SNRNP27: variants seen among roughly 807,000 people sequenced by gnomAD.
The protein encoded by SNRNP27 is U4/U6.U5 small nuclear ribonucleoprotein 27 kDa protein.
Under a neutral mutation model 25.1 loss-of-function variants are expected in SNRNP27, and 22 were observed. The observed-to-expected ratio is 0.88, with a 90% CI of 0.63 to 1.25. The LOEUF is 1.25. Ranked by LOEUF, SNRNP27 falls within the 50% of genes most tolerant of loss-of-function variation. The probability of loss-of-function intolerance (pLI) is 0.00; values close to 1 mark genes in which losing one functional copy is unlikely to be tolerated. For synonymous variants in SNRNP27, 66 were observed against 64.9 expected, an observed-to-expected ratio of 1.02 and a Z score of -0.08; for missense variants, 150 against 202.3, an observed-to-expected ratio of 0.74 and a Z score of 1.57.
intron 1 of SNRNP27, 67 bp from the exon 2 acceptor site, chr2:69,895,027 C>G: frequency 6.3e-7 from 1 of 1,586,138 alleles, no homozygotes; most frequent in East Asian, 2.2e-5. Flanking sequence ...TATTTTTCTA[C>G]TGGACGGCGC....
In SNRNP27 at chr2:69,904,387, C is replaced by T. The variant is rs772704468; in HGVS notation, c.*79C>T. Reference sequence around the variant, plus strand: ...GATTTTGTATTTTGTATTTAACTTGCATTCAAAAAACAGGATCTCAGTTCT... The same window carrying T: ...GATTTTGTATTTTGTATTTAACTTGTATTCAAAAAACAGGATCTCAGTTCT... On this transcript the variant is annotated 3_prime_UTR_variant, in exon 6 of 6. Transcript: ENST00000244227. 6 of 1,107,316 alleles carry T rather than the reference C, an allele frequency of 5.4e-6. No homozygotes were observed. Among genetic ancestry groups the T allele is most frequent in the East Asian group, 2.4e-5 (1 of 42,326 alleles). The allele number at this position is 1,107,316 out of a possible 1,614,324, so 68.6% of individuals were successfully genotyped here.
At chr2:69,895,994 A>G (rs1676593729) in intron 2 of SNRNP27, among the ~76,000 whole-genome samples, 1 of 146,050 alleles carries the variant, frequency 6.8e-6, no homozygotes, top group African/African-American at 2.5e-5. Context: ...TTTTTGAGAG[A>G]GAGGGTCTCC....
rs999117119 is a variant in SNRNP27, at chr2:69,905,150, A to G, written c.*842A>G. The stretch of plus-strand genomic sequence containing the variant: ...TTGGTTGTATCATAATTTATTAACT[A>G]ATGTTTTATTGGTAAACATTGGCTT... On this transcript the variant is annotated 3_prime_UTR_variant, in exon 6 of 6. Coordinates refer to ENST00000244227, the MANE Select transcript of SNRNP27 (RefSeq NM_006857.3). The G allele has an allele frequency of 2.0e-5, 3 of 152,198 alleles. No homozygotes were observed. Among genetic ancestry groups the G allele is most frequent in the Non-Finnish European group, 2.9e-5 (2 of 68,018 alleles). The allele number at this position is 152,198 out of a possible 1,614,324, so 9.4% of individuals were successfully genotyped here. A position where few individuals can be genotyped will look rare whatever the true frequency, so the allele number is the denominator to read the frequency against.
At position 69,895,234 on chromosome 2, in the gene SNRNP27, C is replaced by T; in HGVS notation, c.155+20C>T. 1 of 1,609,048 alleles carries T rather than the reference C, an allele frequency of 6.2e-7. No individual in the cohort carries two copies. The highest frequency in any genetic ancestry group is 8.5e-7 in the Non-Finnish European group (1 of 1,178,468). ...CTCCCGGTAAGGGCAGAAAATAAGCCAAGAGTTTTATTTACCGAAAGTCCC... is the reference window on the plus strand; with the variant it reads ...CTCCCGGTAAGGGCAGAAAATAAGCTAAGAGTTTTATTTACCGAAAGTCCC... On this transcript the variant is annotated intron_variant, in intron 2 of 5. Transcript: ENST00000244227.
intron 2 of SNRNP27, among the ~76,000 whole-genome samples, chr2:69,895,978 T>G (rs1325031511): frequency 1.3e-5 from 2 of 150,654 alleles, no homozygotes; most frequent in Non-Finnish European, 3.0e-5. Flanking sequence ...TGGTTTGTTT[T>G]TTTTTTTTTT....
intron 4 of SNRNP27, among the ~76,000 whole-genome samples, chr2:69,899,513 T>C (rs1423572535): frequency 6.6e-6 from 1 of 152,182 alleles, no homozygotes; most frequent in Non-Finnish European, 1.5e-5. Flanking sequence ...CACTGCTACC[T>C]CCGCCTCCTG....
intron 2 of SNRNP27, among the ~76,000 whole-genome samples, chr2:69,896,182 C>T (rs556038531): frequency 2.6e-3 from 399 of 152,218 alleles, no homozygotes; most frequent in Non-Finnish European, 4.3e-3. Context: ...TTGTTAGAAA[C>T]TTTTAATTTA....
Position 69,904,596 on chromosome 2 carries a change from C to T in SNRNP27, c.*288C>T, listed in dbSNP as rs1388815662. 1 of 505,902 alleles carries T rather than the reference C, an allele frequency of 2.0e-6. No homozygotes were observed. Among genetic ancestry groups the T allele is most frequent in the Non-Finnish European group, 3.4e-6 (1 of 291,032 alleles). The allele number at this position is 505,902 out of a possible 1,614,324, so 31.3% of individuals were successfully genotyped here. ...AGTATATGTTTTCTTCCTGAATGCT[C>T]ATTAGGACTTCTTAAAAAACATGAA... On this transcript the variant is annotated 3_prime_UTR_variant, in exon 6 of 6. Transcript: ENST00000244227.
Position 69,893,980 on chromosome 2 carries a change from T to G in SNRNP27, c.-5T>G. 1.2e-6 allele frequency: 2 copies of G among 1,614,048 alleles called. No homozygotes were observed. The highest frequency in any genetic ancestry group is 1.7e-6 in the Non-Finnish European group (2 of 1,179,930). Reference sequence around the variant, plus strand: ...CACAGTTGTTTCCGGGAAGCGGGACTCCAAATGGGTCGCAGTCGCAGCCGC... The same window carrying G: ...CACAGTTGTTTCCGGGAAGCGGGACGCCAAATGGGTCGCAGTCGCAGCCGC... On this transcript the variant is annotated 5_prime_UTR_variant, in exon 1 of 6. Coordinates refer to ENST00000244227, the MANE Select transcript of SNRNP27 (RefSeq NM_006857.3).
intron 4 of SNRNP27, among the ~76,000 whole-genome samples, chr2:69,898,413 T>G (rs1676637678): frequency 2.7e-5 from 1 of 36,540 alleles, no homozygotes; most frequent in African/African-American, 5.1e-4. Context: ...GAGAGATGGG[T>G]ATAGAGAGAG....
At chr2:69,896,354 G>T in intron 2 of SNRNP27, 82 bp from the exon 3 acceptor site, 1 of 1,277,762 alleles carries the variant, frequency 7.8e-7, no homozygotes. Flanking sequence ...GTTCTGTGGA[G>T]CTCACCTCAT....
intron 4 of SNRNP27, among the ~76,000 whole-genome samples, chr2:69,901,405 A>G (rs1558562280): frequency 6.6e-6 from 1 of 152,162 alleles, no homozygotes; most frequent in Non-Finnish European, 1.5e-5. Flanking sequence ...TGATCAGAAG[A>G]CCTGAACAAG....
intron 4 of SNRNP27, among the ~76,000 whole-genome samples, chr2:69,902,751 T>C (rs1676727550): frequency 6.6e-6 from 1 of 152,074 alleles, no homozygotes. Flanking sequence ...CTGCTGCTTC[T>C]GTTTATTCTG....
chr2:69,895,845 C>T (rs1227853095), intron 2 of SNRNP27, among the ~76,000 whole-genome samples: 2 of 152,206 alleles, frequency 1.3e-5, no homozygotes, highest in Admixed American at 6.5e-5. Context: ...CAGGCGTGAG[C>T]CACTGCACCC....
intron 1 of SNRNP27, 64 bp from the exon 2 acceptor site, chr2:69,895,030 G>A: frequency 6.3e-7 from 1 of 1,593,818 alleles, no homozygotes; most frequent in Non-Finnish European, 8.5e-7. Flanking sequence ...TTTTCTACTG[G>A]ACGGCGCAGC....
chr2:69,904,218 T>A, intron 5 of SNRNP27, 36 bp from the exon 6 acceptor site: 1 of 1,432,320 alleles, frequency 7.0e-7, no homozygotes, highest in Non-Finnish European at 9.6e-7. Flanking sequence ...AGTATAGGAT[T>A]AAAAAAAAAC....
At position 69,903,244 on chromosome 2, in the gene SNRNP27, A is replaced by C; in HGVS notation, c.412A>C (p.Arg138=). ...AINVSQKRKY[R]QYMNRKGGFN... is the part of the protein sequence containing the mutation. ...AAATGTCTCTCAGAAGAGGAAGTAC[A>C]GGTATGCATAGCCCCCATTATTATG... is the stretch of plus-strand genomic sequence containing the variant. Residue 138 remains arginine, a splice_region_variant and synonymous_variant, in exon 5 of 6, where the codon AGG becomes CGG. Transcript: ENST00000244227. The C allele has an allele frequency of 1.2e-6, 2 of 1,602,460 alleles. No homozygotes were observed. Among genetic ancestry groups the C allele is most frequent in the Non-Finnish European group, 1.7e-6 (2 of 1,169,448 alleles).
intron 4 of SNRNP27, among the ~76,000 whole-genome samples, chr2:69,898,635 G>T (rs1360150088): frequency 6.6e-6 from 1 of 152,130 alleles, no homozygotes; most frequent in African/African-American, 2.4e-5. Context: ...CTCAGTGGCT[G>T]TAAGTTTCTT....
chr2:69,903,513 A>G (rs760803528), intron 5 of SNRNP27: 32 of 363,860 alleles, frequency 8.8e-5, no homozygotes, highest in African/African-American at 2.3e-4. Context: ...TTTCAAGTCT[A>G]TGGGCTTTGA....
Sources: gnomAD v4.1 joint callset for allele counts (sites outside exome capture counted in the v4.1 genomes callset) on GRCh38, gnomAD v4.1.1 for gene constraint, MANE v1.5 for transcripts, NCBI Gene and HGNC (gene_info 2026-07-23, HGNC 2026-07-21) for gene names.